ANKFN1: variants seen among roughly 807,000 people sequenced by gnomAD.
ANKFN1 encodes the protein ankyrin repeat and fibronectin type III domain containing 1, also known as ankyrin repeat and fibronectin type-III domain-containing protein 1.
In ANKFN1, 74 loss-of-function variants were observed where a neutral mutation model predicts 108.7. The ratio of observed to expected loss-of-function variants is 0.68; its 90% confidence interval spans 0.56 to 0.83. ANKFN1 has a LOEUF of 0.83. Ranked by LOEUF, ANKFN1 falls within the 40% of genes least tolerant of loss-of-function variation. The pLI, the probability that ANKFN1 is intolerant of heterozygous loss-of-function variation, is 0.00. For synonymous variants in ANKFN1, 547 were observed against 516.2 expected, an observed-to-expected ratio of 1.06 and a Z score of -0.81; for missense variants, 1,505 against 1,382.3, an observed-to-expected ratio of 1.09 and a Z score of -1.41.
At chr17:56,334,063 A>G (rs2045739359) in intron 4 of ANKFN1, among the ~76,000 whole-genome samples, 1 of 152,156 alleles carries the variant, frequency 6.6e-6, no homozygotes, top group Non-Finnish European at 1.5e-5. Flanking sequence ...TTATTAAATT[A>G]AAATAACATC....
chr17:56,157,376 C>T (rs753528661), intron 1 of ANKFN1, among the ~76,000 whole-genome samples: 8 of 152,212 alleles, frequency 5.3e-5, no homozygotes, highest in Middle Eastern at 3.2e-3. Flanking sequence ...CTGAGTGGGT[C>T]TCTCTGGGAC....
At chr17:56,437,542 T>C (rs2048967697) in intron 8 of ANKFN1, among the ~76,000 whole-genome samples, 1 of 152,208 alleles carries the variant, frequency 6.6e-6, no homozygotes, top group Non-Finnish European at 1.5e-5. Context: ...TTCTTTGCTC[T>C]TCCTAAATTT....
chr17:56,332,979 G>A (rs1032364899), intron 4 of ANKFN1, among the ~76,000 whole-genome samples: 1 of 147,744 alleles, frequency 6.8e-6, no homozygotes, highest in Non-Finnish European at 1.5e-5. Context: ...ATATATGTGT[G>A]TATATATATA....
chr17:56,062,180 C>A (rs547758366), intron 4 of ANKFN1, among the ~76,000 whole-genome samples: 7 of 151,966 alleles, frequency 4.6e-5, no homozygotes, highest in Non-Finnish European at 1.0e-4. Context: ...AAAAGTGCCA[C>A]GTAACATTAA....
intron 6 of ANKFN1, 135 bp downstream of exon 6, chr17:56,354,181 A>C: frequency 2.5e-6 from 2 of 788,952 alleles, no homozygotes; most frequent in Non-Finnish European, 4.0e-6. Flanking sequence ...GGATGTTTTC[A>C]TGGGCTTTCA....
intron 4 of ANKFN1, among the ~76,000 whole-genome samples, chr17:56,051,771 A>T (rs919218977): frequency 4.6e-5 from 7 of 151,016 alleles, no homozygotes; most frequent in African/African-American, 1.7e-4. Flanking sequence ...CTTATACACC[A>T]ACAACAGACT....
At chr17:56,069,964 G>A (rs879823860) in intron 4 of ANKFN1, among the ~76,000 whole-genome samples, 1 of 152,160 alleles carries the variant, frequency 6.6e-6, no homozygotes, top group Non-Finnish European at 1.5e-5. Flanking sequence ...CATGGCATTT[G>A]TAAACTGTCA....
chr17:56,449,036 C>A (rs768288117), intron 10 of ANKFN1, 43 bp from the exon 11 acceptor site: 3 of 1,568,048 alleles, frequency 1.9e-6, no homozygotes, highest in Admixed American at 3.4e-5. Flanking sequence ...AGAGGCCTCC[C>A]CTGTTTTAAA....
At chr17:56,141,255 A>G (rs1264695581) in intron 4 of ANKFN1, among the ~76,000 whole-genome samples, 2 of 152,208 alleles carry the variant, frequency 1.3e-5, no homozygotes, top group Non-Finnish European at 2.9e-5. Flanking sequence ...CCACAAGCCA[A>G]TCTTGCCAGT....
At chr17:56,153,792 G>A (rs1396159354) in intron 1 of ANKFN1, among the ~76,000 whole-genome samples, 1 of 152,126 alleles carries the variant, frequency 6.6e-6, no homozygotes, top group East Asian at 1.9e-4. Context: ...GGCTTCTAGA[G>A]ACAAGTTTTT....
At position 56,162,083 on chromosome 17, in the gene ANKFN1, AC is replaced by A. The variant is rs1909705689; in HGVS notation, c.-71+8558del. Among the ~76,000 whole-genome samples, 4 of 152,104 alleles carry A rather than the reference AC, an allele frequency of 2.6e-5. No homozygotes were observed. In the South Asian group the frequency reaches 8.3e-4, roughly 32 times the overall value. The stretch of plus-strand genomic sequence containing the variant: ...CTAGCTTGGGTCACATGTCCACCCC[AC>A]CCCCAAGTGTAGTCAGGGCAGGGGG... On this transcript the variant is annotated intron_variant, in intron 1 of 20. Transcript: ENST00000682825.
intron 6 of ANKFN1, 71 bp from the exon 7 acceptor site, chr17:56,372,575 G>A (rs2046839248): frequency 5.1e-6 from 7 of 1,375,554 alleles, no homozygotes; most frequent in East Asian, 2.3e-5. Flanking sequence ...GTAAACTCTG[G>A]GATATATCCT....
intron 4 of ANKFN1, among the ~76,000 whole-genome samples, chr17:56,101,554 G>T (rs1478385568): frequency 6.6e-6 from 1 of 152,176 alleles, no homozygotes; most frequent in Non-Finnish European, 1.5e-5. Flanking sequence ...TGTGCTCTGT[G>T]CACCAGTGCC....
chr17:56,254,651 C>T (rs927565258), intron 3 of ANKFN1, among the ~76,000 whole-genome samples: 1 of 152,170 alleles, frequency 6.6e-6, no homozygotes, highest in Non-Finnish European at 1.5e-5. Context: ...CCCTAGTGCA[C>T]ATCAGAATCA....
chr17:56,289,612 G>T (rs1365899711), intron 3 of ANKFN1, among the ~76,000 whole-genome samples: 1 of 152,222 alleles, frequency 6.6e-6, no homozygotes, highest in Non-Finnish European at 1.5e-5. Flanking sequence ...TCCAAAAGCA[G>T]GGAGACAGCT....
At chr17:56,114,687 C>T (rs1287971314) in intron 4 of ANKFN1, among the ~76,000 whole-genome samples, 1 of 152,128 alleles carries the variant, frequency 6.6e-6, no homozygotes, top group Admixed American at 6.6e-5. Context: ...CACTGGGTCA[C>T]ATGGCAAAGG....
intron 8 of ANKFN1, among the ~76,000 whole-genome samples, chr17:56,433,387 A>G (rs529351688): frequency 2.6e-5 from 4 of 152,270 alleles, no homozygotes; most frequent in Non-Finnish European, 5.9e-5. Context: ...GAGTATTAGA[A>G]GAATATTTCC....
At chr17:56,461,011 A>G (rs2145256617) in intron 14 of ANKFN1, among the ~76,000 whole-genome samples, 1 of 152,332 alleles carries the variant, frequency 6.6e-6, no homozygotes, top group African/African-American at 2.4e-5. Context: ...CCAAAGCTGG[A>G]GCTTCAGGAC....
intron 18 of ANKFN1, among the ~76,000 whole-genome samples, chr17:56,486,143 C>T (rs2145394243): frequency 6.6e-6 from 1 of 152,212 alleles, no homozygotes; most frequent in South Asian, 2.1e-4. Context: ...AAAAATAGGC[C>T]ATAGATCAAA....
Sources: allele counts gnomAD v4.1 joint callset (sites outside exome capture counted in the v4.1 genomes callset), GRCh38; gene constraint gnomAD v4.1.1; transcripts MANE v1.5; gene names NCBI Gene and HGNC (gene_info 2026-07-23, HGNC 2026-07-21).